Variants in LYRM4 observed in about 807,000 individuals in gnomAD.
LYRM4 encodes LYR motif containing 4, also known as LYR motif-containing protein 4.
In LYRM4, 9 loss-of-function variants were observed where a neutral mutation model predicts 11.7. The observed-to-expected ratio is 0.77, with a 90% CI of 0.46 to 1.34. The LOEUF (loss-of-function observed/expected upper bound fraction) is 1.34. LYRM4 is among the 40% of genes most tolerant of loss of function. LYRM4 has a pLI of 0.00. For synonymous variants in LYRM4, 42 were observed against 40.4 expected, an observed-to-expected ratio of 1.04 and a Z score of -0.15; for missense variants, 133 against 112.5, an observed-to-expected ratio of 1.18 and a Z score of -0.82.
intron 2 of LYRM4, among the ~76,000 whole-genome samples, chr6:5,210,640 T>A (rs576449064): frequency 6.6e-6 from 1 of 152,216 alleles, no homozygotes. Context: ...TCTTCCCAAA[T>A]TGAAACTCTG....
At chr6:5,064,494 G>A in the LYRM4 span, among the ~76,000 whole-genome samples, 1 of 152,150 alleles carries the variant, frequency 6.6e-6, no homozygotes, top group Admixed American at 6.5e-5. Context: ...TGAATGTAAT[G>A]TATTTGTTAC....
intron 2 of LYRM4, among the ~76,000 whole-genome samples, chr6:5,112,089 C>T (rs934366249): frequency 6.6e-6 from 1 of 152,176 alleles, no homozygotes; most frequent in Non-Finnish European, 1.5e-5. Context: ...TGACTGGCTT[C>T]CTGCCCCCTC....
intron 2 of LYRM4, among the ~76,000 whole-genome samples, chr6:5,175,150 T>C (rs796217517): frequency 2.0e-5 from 3 of 152,372 alleles, no homozygotes; most frequent in African/African-American, 7.2e-5. Context: ...TCTTAAATAA[T>C]GCCTTGTTTT....
chr6:5,066,439 G>A, the LYRM4 span: 1 of 754,974 alleles, frequency 1.3e-6, no homozygotes, highest in South Asian at 1.4e-5. Context: ...GCTGTCCAAG[G>A]AACTGCTTCT....
At chr6:5,119,180 A>G (rs1297214700) in intron 2 of LYRM4, among the ~76,000 whole-genome samples, 1 of 152,124 alleles carries the variant, frequency 6.6e-6, no homozygotes, top group Non-Finnish European at 1.5e-5. Flanking sequence ...TCGGCCTCTT[A>G]TTTCCTCTGT....
chr6:5,033,501 C>A, the LYRM4 span: 5 of 152,150 alleles, frequency 3.3e-5, no homozygotes, highest in African/African-American at 1.2e-4. Flanking sequence ...TTGCCAGGAC[C>A]CGAGACTCAC....
chr6:5,250,541 A>C (rs1437072363), intron 1 of LYRM4, among the ~76,000 whole-genome samples: 1 of 152,140 alleles, frequency 6.6e-6, no homozygotes, highest in Non-Finnish European at 1.5e-5. Context: ...TGTTTTTTGG[A>C]AACTCCAGCA....
the LYRM4 span, among the ~76,000 whole-genome samples, chr6:5,077,968 G>A: frequency 1.3e-5 from 2 of 152,082 alleles, no homozygotes; most frequent in Non-Finnish European, 2.9e-5. Flanking sequence ...AAGAATAATT[G>A]CAGAATGTAA....
intron 1 of LYRM4, among the ~76,000 whole-genome samples, chr6:5,225,266 AAG>A (rs1762816668): frequency 6.6e-6 from 1 of 151,666 alleles, no homozygotes; most frequent in East Asian, 1.9e-4. Flanking sequence ...AAAAAAAAAA[AAG>A]ATGTTTAAAA....
intron 2 of LYRM4, among the ~76,000 whole-genome samples, chr6:5,111,160 G>A (rs191964825): frequency 6.6e-6 from 1 of 152,142 alleles, no homozygotes; most frequent in East Asian, 1.9e-4. Flanking sequence ...ACAGATAGAT[G>A]AACCCACTAT....
At chr6:5,096,193 A>C in the LYRM4 span, among the ~76,000 whole-genome samples, 2 of 152,312 alleles carry the variant, frequency 1.3e-5, no homozygotes, top group African/African-American at 4.8e-5. Context: ...AAAACTAAAC[A>C]AAGAAACTGC....
intron 1 of LYRM4, among the ~76,000 whole-genome samples, chr6:5,251,486 T>C (rs140348363): frequency 2.6e-5 from 4 of 151,884 alleles, no homozygotes; most frequent in African/African-American, 9.7e-5. Flanking sequence ...TGGCAGAAGG[T>C]GAAGGGGGAG....
chr6:5,070,426 A>T, the LYRM4 span, among the ~76,000 whole-genome samples: 2 of 152,006 alleles, frequency 1.3e-5, no homozygotes, highest in African/African-American at 2.4e-5. Flanking sequence ...AGATAGTGAA[A>T]GTATAAATGT....
chr6:5,102,454 A>G (rs913972243), downstream of LYRM4: 1 of 152,226 alleles, frequency 6.6e-6, no homozygotes, highest in Non-Finnish European at 1.5e-5. Flanking sequence ...TTCAAGACTG[A>G]TGAAGTCACA....
chr6:5,242,842 C>T lies in LYRM4; in HGVS notation c.86+17806G>A, dbSNP rs539438984. Among the ~76,000 whole-genome samples the T allele has an allele frequency of 5.5e-3, 816 of 149,196 alleles. 13 individuals carry two copies. Among genetic ancestry groups the T allele is most frequent in the South Asian group, 0.035 (161 of 4,656 alleles). On this transcript the variant is annotated intron_variant, in intron 1 of 2. Transcript: ENST00000330636. ...ACTGCGGACTGCAGTGGCGCAATCT[C>T]GGCTCACTGCAAGCTCCGCTTCCCA... is the stretch of plus-strand genomic sequence containing the variant.
At chr6:5,063,494 G>T in the LYRM4 span, among the ~76,000 whole-genome samples, 1 of 151,900 alleles carries the variant, frequency 6.6e-6, no homozygotes, top group Non-Finnish European at 1.5e-5. Context: ...CACATCAGTT[G>T]TCGCCATGGG....
At chr6:5,144,539 A>T (rs930273893) in intron 2 of LYRM4, among the ~76,000 whole-genome samples, 4 of 136,972 alleles carry the variant, frequency 2.9e-5, no homozygotes, top group Non-Finnish European at 6.1e-5. Context: ...TGGGAGGCTG[A>T]GGCAGGAGAA....
intron 2 of LYRM4, among the ~76,000 whole-genome samples, chr6:5,214,211 C>T (rs778684296): frequency 5.2e-4 from 79 of 152,068 alleles, no homozygotes; most frequent in South Asian, 2.1e-4. Context: ...GGCAGGGCAG[C>T]GGAGAGAGAG....
chr6:5,115,437 G>A lies in LYRM4; in HGVS notation c.208-5946C>T, dbSNP rs142932065. Among the ~76,000 whole-genome samples the A allele has an allele frequency of 5.9e-5, 9 of 152,272 alleles. No homozygotes were observed. In the East Asian group the frequency reaches 9.7e-4, roughly 16 times the overall value. On this transcript the variant is annotated intron_variant, in intron 2 of 2. Transcript: ENST00000330636. ...GTGCTAAAGGCCGTATTCTCTATGC[G>A]GCGGCTAGAACAAGAACACGGGATT...
Sources: gnomAD v4.1 joint callset for allele counts (sites outside exome capture counted in the v4.1 genomes callset) on GRCh38, gnomAD v4.1.1 for gene constraint, MANE v1.5 for transcripts, NCBI Gene and HGNC (gene_info 2026-07-23, HGNC 2026-07-21) for gene names.